Variants in CTNND2 observed in about 807,000 individuals in gnomAD.
The protein encoded by CTNND2 is catenin delta-2.
CTNND2 carries 22 observed loss-of-function variants against 144.4 expected under a neutral mutation model. The observed-to-expected ratio is 0.15, with a 90% CI of 0.11 to 0.22. The LOEUF (loss-of-function observed/expected upper bound fraction) is 0.22. Ranked by LOEUF, CTNND2 falls within the 10% of genes least tolerant of loss-of-function variation. The pLI, the probability that CTNND2 is intolerant of heterozygous loss-of-function variation, is 1.00. For missense variants in CTNND2, 1,353 were observed against 1,618.8 expected (o/e 0.84, Z 2.82); for synonymous variants, 751 against 695.6 (o/e 1.08, Z -1.25).
intron 2 of CTNND2, among the ~76,000 whole-genome samples, chr5:11,662,225 GTATATATGTA>G (rs1783291059): frequency 7.4e-6 from 1 of 135,526 alleles, no homozygotes; most frequent in Admixed American, 7.4e-5. Flanking sequence ...ACATATATGT[GTATATATGTA>G]TATATATACA....
chr5:11,201,941 T>C (rs2149832097), intron 10 of CTNND2, among the ~76,000 whole-genome samples: 1 of 152,342 alleles, frequency 6.6e-6, no homozygotes, highest in African/African-American at 2.4e-5. Flanking sequence ...ATCCACTTTA[T>C]TATAGTGCTT....
chr5:11,116,326 C>T (rs934641345), intron 13 of CTNND2, among the ~76,000 whole-genome samples: 2 of 152,128 alleles, frequency 1.3e-5, no homozygotes, highest in Admixed American at 6.5e-5. Flanking sequence ...CTACTGGTAT[C>T]CAGTGGGCGG....
intron 2 of CTNND2, among the ~76,000 whole-genome samples, chr5:11,671,863 G>T (rs1197920070): frequency 2.0e-5 from 3 of 151,936 alleles, no homozygotes; most frequent in African/African-American, 7.3e-5. Flanking sequence ...GAGGTGTTCT[G>T]GTTTTTGGAA....
chr5:11,427,561 T>G (rs2149866463), intron 3 of CTNND2, among the ~76,000 whole-genome samples: 1 of 152,294 alleles, frequency 6.6e-6, no homozygotes, highest in East Asian at 1.9e-4. Flanking sequence ...ATTACAGGTA[T>G]GAGCCACTAT....
rs559086323 is a variant in CTNND2 at position 11,494,145 on chromosome 5, G to T, written c.287+70799C>A. Reference sequence around the variant, plus strand: ...TGTGGTCCTTAAGAATATAGTAGTTGTCACAATATCCTGATTAGCAGGTTT... The same window carrying T: ...TGTGGTCCTTAAGAATATAGTAGTTTTCACAATATCCTGATTAGCAGGTTT... On this transcript the variant is annotated intron_variant, in intron 3 of 21. Transcript: ENST00000304623. 2.0e-5 allele frequency among the ~76,000 whole-genome samples: 3 copies of T among 152,210 alleles called. No homozygotes were observed. In the East Asian group the frequency reaches 5.8e-4, roughly 29 times the overall value.
intron 3 of CTNND2, among the ~76,000 whole-genome samples, chr5:11,559,819 A>T (rs1264800352): frequency 6.6e-6 from 1 of 152,114 alleles, no homozygotes; most frequent in African/African-American, 2.4e-5. Flanking sequence ...TGACAAGTAA[A>T]GTTCCTTCCC....
chr5:11,520,393 G>A (rs1772617640), intron 3 of CTNND2, among the ~76,000 whole-genome samples: 1 of 152,164 alleles, frequency 6.6e-6, no homozygotes, highest in Non-Finnish European at 1.5e-5. Flanking sequence ...CTTGCTATGA[G>A]TGCAAATGTT....
intron 2 of CTNND2, among the ~76,000 whole-genome samples, chr5:11,676,562 T>C (rs1451452821): frequency 6.8e-6 from 1 of 147,992 alleles, no homozygotes; most frequent in Non-Finnish European, 1.5e-5. Context: ...ACTGTCCAAA[T>C]AGTCCTTGAA....
At chr5:11,189,440 C>T (rs536003338) in intron 11 of CTNND2, among the ~76,000 whole-genome samples, 181 of 152,254 alleles carry the variant, frequency 1.2e-3, no homozygotes, top group African/African-American at 4.2e-3. Flanking sequence ...AACCTCTCTG[C>T]TTCCTCCTCC....
chr5:11,490,561 T>A (rs1769291650), intron 3 of CTNND2, among the ~76,000 whole-genome samples: 1 of 152,324 alleles, frequency 6.6e-6, no homozygotes, highest in East Asian at 1.9e-4. Flanking sequence ...ATTCAAATTA[T>A]TGTGCCTGAC....
intron 6 of CTNND2, among the ~76,000 whole-genome samples, chr5:11,392,392 C>T (rs953116159): frequency 2.6e-5 from 4 of 152,090 alleles, no homozygotes; most frequent in African/African-American, 7.2e-5. Flanking sequence ...TTGAAGAATA[C>T]GTAAGGAGAG....
intron 9 of CTNND2, among the ~76,000 whole-genome samples, chr5:11,248,359 G>T (rs1471067432): frequency 1.3e-5 from 2 of 149,462 alleles, no homozygotes; most frequent in Non-Finnish European, 3.0e-5. Flanking sequence ...ATATATATGT[G>T]CATGTGGGCA....
At chr5:11,376,423 A>T (rs886382956) in intron 7 of CTNND2, among the ~76,000 whole-genome samples, 3 of 151,424 alleles carry the variant, frequency 2.0e-5, no homozygotes, top group African/African-American at 7.3e-5. Flanking sequence ...TCTCTTTTTC[A>T]TGCCACTAAC....
intron 15 of CTNND2, among the ~76,000 whole-genome samples, chr5:11,094,701 T>C (rs1158330307): frequency 6.6e-6 from 1 of 152,178 alleles, no homozygotes; most frequent in African/African-American, 2.4e-5. Flanking sequence ...CTTGACCTCA[T>C]GATCCATCCA....
intron 5 of CTNND2, among the ~76,000 whole-genome samples, chr5:11,408,910 T>C (rs1294726134): frequency 1.3e-5 from 2 of 152,074 alleles, no homozygotes; most frequent in Non-Finnish European, 2.9e-5. Context: ...TGGCATTTAT[T>C]TATCTTTGAC....
At chr5:11,236,524 G>C (rs996664824) in intron 10 of CTNND2, among the ~76,000 whole-genome samples, 167 bp downstream of exon 10, 1 of 152,088 alleles carries the variant, frequency 6.6e-6, no homozygotes, top group African/African-American at 2.4e-5. Context: ...GCATGAACAG[G>C]CATGCTAATC....
At chr5:11,295,003 A>G (rs1224761815) in intron 9 of CTNND2, among the ~76,000 whole-genome samples, 2 of 152,190 alleles carry the variant, frequency 1.3e-5, no homozygotes, top group African/African-American at 4.8e-5. Context: ...AGGAGAAGGA[A>G]ATAAAGGGTA....
At chr5:11,871,982 C>T (rs755250760) in intron 1 of CTNND2, among the ~76,000 whole-genome samples, 18 of 152,080 alleles carry the variant, frequency 1.2e-4, no homozygotes, top group Non-Finnish European at 2.1e-4. Flanking sequence ...TTGCTGCATC[C>T]ATCAACCTGT....
intron 3 of CTNND2, among the ~76,000 whole-genome samples, chr5:11,506,688 T>A (rs560894374): frequency 1.5e-3 from 234 of 152,348 alleles, no homozygotes; most frequent in Non-Finnish European, 2.9e-3. Flanking sequence ...TTCATTTTTT[T>A]AAAAGATAAA....
Sources: allele counts gnomAD v4.1 joint callset (sites outside exome capture counted in the v4.1 genomes callset), GRCh38; gene constraint gnomAD v4.1.1; transcripts MANE v1.5; gene names NCBI Gene and HGNC (gene_info 2026-07-23, HGNC 2026-07-21).